Variants in YPEL2 observed in about 807,000 individuals in gnomAD.
The protein encoded by YPEL2 is yippee like 2, also known as protein yippee-like 2.
YPEL2 carries 2 observed loss-of-function variants against 19.1 expected under a neutral mutation model. That is an observed-to-expected ratio of 0.10 (90% CI 0.04 to 0.33). The LOEUF is 0.33. Ranked by LOEUF, YPEL2 falls within the 10% of genes least tolerant of loss-of-function variation. YPEL2 has a pLI of 1.00. For synonymous variants in YPEL2, 52 were observed against 50.0 expected (o/e 1.04, Z -0.17); for missense variants, 66 against 140.7 (o/e 0.47, Z 2.68).
rs563938464 is a variant in YPEL2 at position 59,331,682 on chromosome 17, C to A, written c.-338C>A. On this transcript the variant is annotated 5_prime_UTR_variant, in exon 1 of 5. Coordinates refer to ENST00000312655, the MANE Select transcript of YPEL2 (RefSeq NM_001005404.4). ...CCCCCGGCCCGGACCCGGAGGGATG[C>A]GGAGTGGCGGCCGCGGCGGTGGCGG... 6.5e-6 allele frequency: 1 copy of A among 153,648 alleles called. No individual in the cohort carries two copies. Among genetic ancestry groups the A allele is most frequent in the South Asian group, 2.1e-4 (1 of 4,864 alleles). 9.5% of individuals were successfully genotyped at this position (153,648 alleles called of 1,614,324 possible).
At chr17:59,357,104 G>A (rs975374429) in intron 2 of YPEL2, among the ~76,000 whole-genome samples, 1 of 152,176 alleles carries the variant, frequency 6.6e-6, no homozygotes, top group Non-Finnish European at 1.5e-5. Context: ...GGATTGTTAT[G>A]AGGCTCAGCT....
intron 2 of YPEL2, among the ~76,000 whole-genome samples, chr17:59,387,710 G>C (rs961347254): frequency 6.6e-6 from 1 of 152,208 alleles, no homozygotes; most frequent in African/African-American, 2.4e-5. Flanking sequence ...TGCTTCATGA[G>C]CATTTCTGTG....
At chr17:59,337,183 C>CTTTTTTTTT (rs146083930) in intron 1 of YPEL2, among the ~76,000 whole-genome samples, 3 of 136,498 alleles carry the variant, frequency 2.2e-5, no homozygotes, top group East Asian at 2.1e-4. Context: ...GGGAGAAATT[C>CTTTTTTTTT]TTTTTTTTTG....
intron 1 of YPEL2, among the ~76,000 whole-genome samples, chr17:59,351,855 G>T (rs1274793502): frequency 6.6e-6 from 1 of 152,190 alleles, no homozygotes; most frequent in African/African-American, 2.4e-5. Flanking sequence ...TCTCACTGTG[G>T]GTTAAGGGGT....
chr17:59,390,956 T>G (rs2048004422), intron 4 of YPEL2, among the ~76,000 whole-genome samples: 1 of 152,260 alleles, frequency 6.6e-6, no homozygotes, highest in Admixed American at 6.5e-5. Flanking sequence ...TATAAAACAC[T>G]TAGGTCATCA....
rs1237644722 is a variant in YPEL2, at chr17:59,394,838, G to A, written c.271-2263G>A. ...GAACCAGACTCCGTCTGCAATCCCG[G>A]CACCTCGGGAGGCTGAGGCTGGCGG... is the stretch of plus-strand genomic sequence containing the variant. On this transcript the variant is annotated intron_variant, in intron 4 of 4. Coordinates refer to ENST00000312655, the MANE Select transcript of YPEL2 (RefSeq NM_001005404.4). 4.6e-5 allele frequency among the ~76,000 whole-genome samples: 7 copies of A among 152,352 alleles called. No individual in the cohort carries two copies. In the East Asian group the frequency reaches 1.4e-3, roughly 29 times the overall value.
At chr17:59,339,923 A>C (rs1409640132) in intron 1 of YPEL2, among the ~76,000 whole-genome samples, 2 of 151,978 alleles carry the variant, frequency 1.3e-5, no homozygotes, top group Non-Finnish European at 2.9e-5. Flanking sequence ...CTCTCTCCCA[A>C]ACTGCCCCCA....
chr17:59,339,057 G>C (rs2047713787), intron 1 of YPEL2, among the ~76,000 whole-genome samples: 1 of 151,914 alleles, frequency 6.6e-6, no homozygotes, highest in African/African-American at 2.4e-5. Flanking sequence ...TTCTGTTTTT[G>C]CTTTTTCCTT....
In YPEL2 at chr17:59,398,554, G is replaced by A. The variant is rs1411511319; in HGVS notation, c.*1364G>A. 1 of 152,144 alleles carries A rather than the reference G, an allele frequency of 6.6e-6. No individual in the cohort carries two copies. The highest frequency in any genetic ancestry group is 1.5e-5 in the Non-Finnish European group (1 of 68,050). The allele number at this position is 152,144 out of a possible 1,614,324, so 9.4% of individuals were successfully genotyped here. On this transcript the variant is annotated 3_prime_UTR_variant, in exon 5 of 5. Coordinates refer to ENST00000312655, the MANE Select transcript of YPEL2 (RefSeq NM_001005404.4). ...ATCCAAGCATCCTTCGATTAGGGAA[G>A]TGGAGAGCACATCCCTGTAAGGCCC...
At chr17:59,388,170 C>T (rs980106028) in intron 2 of YPEL2, among the ~76,000 whole-genome samples, 157 bp from the exon 3 acceptor site, 1 of 152,136 alleles carries the variant, frequency 6.6e-6, no homozygotes, top group Non-Finnish European at 1.5e-5. Flanking sequence ...CTCTTCTCCG[C>T]CCCCACACCA....
chr17:59,364,069 G>A (rs2047855467), intron 2 of YPEL2, among the ~76,000 whole-genome samples: 2 of 152,120 alleles, frequency 1.3e-5, no homozygotes, highest in African/African-American at 4.8e-5. Context: ...CTGTCTTGTG[G>A]TATGGTCTGT....
intron 2 of YPEL2, among the ~76,000 whole-genome samples, chr17:59,380,548 G>A (rs1280015194): frequency 6.6e-6 from 1 of 152,222 alleles, no homozygotes; most frequent in Non-Finnish European, 1.5e-5. Flanking sequence ...AGGATTACAA[G>A]CATGAGCCAC....
At chr17:59,390,445 C>T (rs1191162241) in intron 4 of YPEL2, among the ~76,000 whole-genome samples, 2 of 152,182 alleles carry the variant, frequency 1.3e-5, no homozygotes, top group Admixed American at 1.3e-4. Context: ...TTGCCTGGTC[C>T]AGAACCCATG....
intron 4 of YPEL2, among the ~76,000 whole-genome samples, chr17:59,391,517 TAA>T (rs111605663): frequency 6.8e-6 from 1 of 147,652 alleles, no homozygotes; most frequent in African/African-American, 2.5e-5. Context: ...TGGAAATCAT[TAA>T]AAAAAAAAAT....
intron 4 of YPEL2, among the ~76,000 whole-genome samples, chr17:59,393,150 T>C (rs796401650): frequency 1.3e-4 from 20 of 152,316 alleles, no homozygotes; most frequent in African/African-American, 4.3e-4. Context: ...ATTTATTTTA[T>C]TTATTTTTTG....
chr17:59,361,543 G>A (rs1006780100), intron 2 of YPEL2, among the ~76,000 whole-genome samples: 5 of 152,194 alleles, frequency 3.3e-5, no homozygotes, highest in East Asian at 3.8e-4. Context: ...TCTAGCAGCA[G>A]CACAGCTCCT....
At chr17:59,361,123 C>T (rs1027659894) in intron 2 of YPEL2, among the ~76,000 whole-genome samples, 2 of 152,202 alleles carry the variant, frequency 1.3e-5, no homozygotes, top group African/African-American at 2.4e-5. Context: ...TGAGCCACCG[C>T]ACGCAGCTTG....
chr17:59,378,891 C>G (rs964843823), intron 2 of YPEL2, among the ~76,000 whole-genome samples: 4 of 152,184 alleles, frequency 2.6e-5, no homozygotes, highest in Non-Finnish European at 4.4e-5. Context: ...CCTTCTGCCC[C>G]TCGGCTTTTT....
chr17:59,359,174 T>G (rs1265540895), intron 2 of YPEL2, among the ~76,000 whole-genome samples: 1 of 152,196 alleles, frequency 6.6e-6, no homozygotes, highest in Non-Finnish European at 1.5e-5. Context: ...TCCACGCGCC[T>G]TAGCCTCCCA....
Sources: gnomAD v4.1 joint callset for allele counts (sites outside exome capture counted in the v4.1 genomes callset) on GRCh38, gnomAD v4.1.1 for gene constraint, MANE v1.5 for transcripts, NCBI Gene and HGNC (gene_info 2026-07-23, HGNC 2026-07-21) for gene names.